The following PAK3 variants were observed in gnomAD, a reference collection of about 807,000 sequenced individuals.
PAK3 encodes the protein p21 (RAC1) activated kinase 3.
PAK3 carries 4 observed loss-of-function variants against 41.0 expected under a neutral mutation model. The ratio of observed to expected loss-of-function variants is 0.10; its 90% CI spans 0.05 to 0.22. PAK3 has a LOEUF of 0.22. Among genes scored for constraint, PAK3 ranks in the 10% least tolerant of loss-of-function variants. The pLI, the probability that PAK3 is intolerant of heterozygous loss-of-function variation, is 1.00. For missense variants in PAK3, 205 were observed against 409.9 expected (o/e 0.50, Z 4.32); for synonymous variants, 146 against 139.6 (o/e 1.05, Z -0.32).
chrX:111,060,644 T>C (rs16986336), intron 1 of PAK3, among the ~76,000 whole-genome samples: 5,176 of 111,641 alleles, frequency 0.046, 293 homozygotes, highest in African/African-American at 0.16. Flanking sequence ...TTCTGTGTAA[T>C]TCATTGCATT....
At chrX:111,094,184 G>A (rs2092950917), upstream of PAK3, among the ~76,000 whole-genome samples, 1 of 110,422 alleles carries the variant, frequency 9.1e-6, no homozygotes, top group South Asian at 3.8e-4. Flanking sequence ...GAGAAAGAGT[G>A]TTGTATATTT....
chrX:111,196,974 T>C (rs747343245), intron 16 of PAK3, among the ~76,000 whole-genome samples: 33 of 107,911 alleles, frequency 3.1e-4, no homozygotes, highest in African/African-American at 1.1e-3. Context: ...AGGTTTATTA[T>C]ATAGGTAAAT....
chrX:111,058,948 A>G (rs2092629797), intron 1 of PAK3, among the ~76,000 whole-genome samples: 1 of 110,325 alleles, frequency 9.1e-6, no homozygotes, highest in Non-Finnish European at 1.9e-5. Flanking sequence ...TGGACTCTCA[A>G]TTCTGTTCCA....
chrX:111,078,192 A>G lies in PAK3; in HGVS notation c.-27-44885A>G, dbSNP rs557002943. On this transcript the variant is annotated intron_variant, in intron 1 of 14. Coordinates refer to the PAK3 transcript ENST00000425146. ...TGAGGATGTGGAGAAAGGGGAGCCT[A>G]TGTAAGGCACACCTTCTTTTATTGT... Among the ~76,000 whole-genome samples, 78 of 110,816 alleles carry G rather than the reference A, an allele frequency of 7.0e-4. 1 individual carries two copies. Among genetic ancestry groups the G allele is most frequent in the Middle Eastern group, 9.4e-3 (2 of 213 alleles).
chrX:111,203,584 T>C (rs1257807477), intron 16 of PAK3, among the ~76,000 whole-genome samples: 1 of 111,805 alleles, frequency 8.9e-6, no homozygotes, highest in Non-Finnish European at 1.9e-5. Flanking sequence ...GCTTCCCACT[T>C]CCCTTTTCCT....
At chrX:110,990,554 A>G (rs2091624467) in intron 1 of PAK3, among the ~76,000 whole-genome samples, 1 of 110,638 alleles carries the variant, frequency 9.0e-6, no homozygotes, top group African/African-American at 3.3e-5. Context: ...ATTGTGGTAG[A>G]AAGGGGTGAC....
At chrX:111,125,125 C>A (rs1000504661) in intron 5 of PAK3, among the ~76,000 whole-genome samples, 1 of 111,802 alleles carries the variant, frequency 8.9e-6, no homozygotes, top group South Asian at 3.8e-4. Flanking sequence ...GAGACTCCTA[C>A]ATCGTTATTA....
chrX:111,031,011 T>C lies in PAK3; in HGVS notation c.-28+86383T>C, dbSNP rs753655206. ...CACCTTTACCCTTGTCCCAACCAAA[T>C]TGCAGCATGAACTAGTGATGTGGTC... On this transcript the variant is annotated intron_variant, in intron 1 of 14. Transcript: ENST00000425146. Among the ~76,000 whole-genome samples the C allele has an allele frequency of 9.8e-5, 11 of 111,933 alleles. No individual in the cohort carries two copies. In the South Asian group the frequency reaches 1.1e-3, roughly 11 times the overall value.
chrX:110,986,757 G>GCA (rs1491241412), intron 1 of PAK3, among the ~76,000 whole-genome samples: 1 of 49,830 alleles, frequency 2.0e-5, no homozygotes, highest in Non-Finnish European at 4.0e-5. Context: ...AAGTGTACGC[G>GCA]TGTGTGTGTG....
At chrX:111,220,235 A>T in intron 17 of PAK3, 123 bp from the exon 18 acceptor site, 1 of 518,075 alleles carries the variant, frequency 1.9e-6, no homozygotes, top group Non-Finnish European at 3.5e-6. Context: ...GTTTTTAATT[A>T]AATGATATTT....
intron 1 of PAK3, among the ~76,000 whole-genome samples, chrX:110,962,651 C>T (rs752728945): frequency 3.6e-5 from 4 of 112,288 alleles, no homozygotes; most frequent in South Asian, 7.5e-4. Context: ...GGCAGCAGGC[C>T]GAGCAGGCCA....
intron 16 of PAK3, among the ~76,000 whole-genome samples, chrX:111,199,627 G>A (rs1480975029): frequency 1.8e-5 from 2 of 111,698 alleles, no homozygotes; most frequent in African/African-American, 6.5e-5. Context: ...ATTAACAACA[G>A]CTTGGTGGGT....
rs1851412881 is a variant in PAK3 at position 111,221,675 on chromosome X, G to A, written c.*1228G>A. 4 of 111,790 alleles carry A rather than the reference G, an allele frequency of 3.6e-5. No individual in the cohort carries two copies. Among genetic ancestry groups the A allele is most frequent in the Non-Finnish European group, 1.9e-5 (1 of 53,096 alleles). The allele number at this position is 111,790 out of a possible 1,213,427, so 9.2% of individuals were successfully genotyped here. On this transcript the variant is annotated 3_prime_UTR_variant, in exon 18 of 18. Coordinates refer to ENST00000372007, the MANE Select transcript of PAK3 (RefSeq NM_002578.5). ...GTAAACATTCAACTCTGTAAGAAAT[G>A]GGAGGTCAGTGAAGGCTACATCCCA...
chrX:111,134,940 A>G (rs1444885461), intron 5 of PAK3, among the ~76,000 whole-genome samples: 2 of 111,559 alleles, frequency 1.8e-5, no homozygotes, highest in East Asian at 5.7e-4. Flanking sequence ...GTAAGTGGGG[A>G]CCAGATCCTG....
At chrX:111,171,103 T>C (rs143356897) in intron 10 of PAK3, among the ~76,000 whole-genome samples, 21 of 111,170 alleles carry the variant, frequency 1.9e-4, no homozygotes, top group African/African-American at 6.8e-4. Context: ...AAGCAGAGTC[T>C]ATGAGTAGGT....
At chrX:111,082,782 A>G (rs2148842091) in intron 1 of PAK3, among the ~76,000 whole-genome samples, 1 of 111,822 alleles carries the variant, frequency 8.9e-6, no homozygotes, top group African/African-American at 3.2e-5. Flanking sequence ...CAGATGATAG[A>G]CATTTAGCAA....
intron 1 of PAK3, among the ~76,000 whole-genome samples, chrX:110,978,631 T>C (rs1167738468): frequency 1.8e-5 from 2 of 111,566 alleles, no homozygotes; most frequent in Non-Finnish European, 3.8e-5. Flanking sequence ...TGAAGGATAT[T>C]GGTTTGTGCC....
chrX:111,055,527 A>G (rs913397347), intron 1 of PAK3, among the ~76,000 whole-genome samples: 1 of 112,225 alleles, frequency 8.9e-6, no homozygotes, highest in Admixed American at 9.4e-5. Context: ...ACAATTTCCA[A>G]CAATTCAATG....
chrX:110,988,547 G>C (rs1401349905), intron 1 of PAK3, among the ~76,000 whole-genome samples: 2 of 111,973 alleles, frequency 1.8e-5, no homozygotes, highest in Non-Finnish European at 3.8e-5. Context: ...TACCCTCACT[G>C]TAGATACCTT....
Sources: gnomAD v4.1 joint callset for allele counts (sites outside exome capture counted in the v4.1 genomes callset) on GRCh38, gnomAD v4.1.1 for gene constraint, MANE v1.5 for transcripts, NCBI Gene and HGNC (gene_info 2026-07-23, HGNC 2026-07-21) for gene names.